ANO2: variants seen among roughly 807,000 people sequenced by gnomAD.
ANO2 encodes anoctamin 2.
ANO2 carries 101 observed loss-of-function variants against 124.2 expected under a neutral mutation model. The observed-to-expected ratio is 0.81, with a 90% confidence interval of 0.69 to 0.96. The LOEUF (loss-of-function observed/expected upper bound fraction) is 0.96, where lower values mean the gene tolerates loss of function less well. Ranked by LOEUF, ANO2 falls within the 40% of genes least tolerant of loss-of-function variation. The pLI, the probability that ANO2 is intolerant of heterozygous loss-of-function variation, is 0.00. For missense variants in ANO2, 1,293 were observed against 1,274.5 expected (o/e 1.01, Z -0.22); for synonymous variants, 486 against 482.5 (o/e 1.01, Z -0.09).
chr12:5,568,863 C>T (rs1215532806), intron 23 of ANO2, among the ~76,000 whole-genome samples: 1 of 152,226 alleles, frequency 6.6e-6, no homozygotes, highest in African/African-American at 2.4e-5. Context: ...GCCCAGCTTT[C>T]TCATCTATAA....
chr12:5,827,922 CT>C, intron 6 of ANO2, 102 bp from the exon 7 acceptor site: 8 of 1,328,110 alleles, frequency 6.0e-6, no homozygotes, highest in Non-Finnish European at 8.3e-6. Flanking sequence ...GGCGCCCGGG[CT>C]CATTTGGAGC....
At chr12:5,801,171 C>CAGGAGAGGGGTAGGGGCAA (rs1953026619) in intron 9 of ANO2, among the ~76,000 whole-genome samples, 1 of 152,138 alleles carries the variant, frequency 6.6e-6, no homozygotes, top group South Asian at 2.1e-4. Context: ...AGAGTGGCTC[C>CAGGAGAGGGGTAGGGGCAA]AGGAGAGGGG....
At chr12:5,916,760 C>T (rs190107118) in intron 3 of ANO2, among the ~76,000 whole-genome samples, 4 of 150,410 alleles carry the variant, frequency 2.7e-5, no homozygotes, top group South Asian at 2.1e-4. Context: ...TTTTCCAGAA[C>T]GACGATGCCT....
rs111978395 is a variant in ANO2, at chr12:5,897,987, T to C, written c.534+23053A>G. Among the ~76,000 whole-genome samples, 588 of 152,138 alleles carry C rather than the reference T, an allele frequency of 3.9e-3. 5 individuals are homozygous for C. Among genetic ancestry groups the C allele is most frequent in the African/African-American group, 0.013 (559 of 41,504 alleles). On this transcript the variant is annotated intron_variant, in intron 3 of 24. Transcript: ENST00000682330. ...GTGAGAAGAAGATATTTGCAAAATA[T>C]ATACTCAACAAAAGATGTACCAAGT...
Position 5,769,124 on chromosome 12 carries a change from C to T in ANO2, c.1056-18154G>A, listed in dbSNP as rs1413729254. The stretch of plus-strand genomic sequence containing the variant: ...GCAGAGGAAGAAAACACACCATTTG[C>T]AAGGAGAGGACCCTAGATTTACGAC... On this transcript the variant is annotated intron_variant, in intron 10 of 24. Transcript: ENST00000682330. The surrounding 1 kb of genome is among the most constrained non-coding windows in gnomAD (Gnocchi z 4.0). Among the ~76,000 whole-genome samples the T allele has an allele frequency of 6.6e-6, 1 of 152,142 alleles. No homozygotes were observed. Among genetic ancestry groups the T allele is most frequent in the African/African-American group, 2.4e-5 (1 of 41,434 alleles).
intron 16 of ANO2, 115 bp from the exon 17 acceptor site, chr12:5,615,412 G>A (rs934890200): frequency 1.2e-5 from 9 of 730,740 alleles, no homozygotes; most frequent in East Asian, 5.5e-5. Context: ...CAAAAATCAC[G>A]AGACCCATCT....
chr12:5,694,189 G>A (rs1044920395), intron 14 of ANO2, among the ~76,000 whole-genome samples: 6 of 150,534 alleles, frequency 4.0e-5, no homozygotes, highest in East Asian at 2.0e-4. Flanking sequence ...ACCAACCTGC[G>A]CCAGTCCCCA....
intron 20 of ANO2, among the ~76,000 whole-genome samples, chr12:5,594,848 A>G (rs1016746790): frequency 6.6e-6 from 1 of 152,032 alleles, no homozygotes; most frequent in African/African-American, 2.4e-5. Flanking sequence ...AAAACAAAAC[A>G]ACAACAACAA....
chr12:5,640,742 G>A (rs1946322454), intron 15 of ANO2, among the ~76,000 whole-genome samples: 1 of 152,214 alleles, frequency 6.6e-6, no homozygotes, highest in Non-Finnish European at 1.5e-5. Flanking sequence ...TGGAGAGGAT[G>A]CGGAGAAATA....
chr12:5,815,316 C>T (rs948977004), intron 7 of ANO2, among the ~76,000 whole-genome samples: 50 of 152,260 alleles, frequency 3.3e-4, no homozygotes, highest in African/African-American at 1.1e-3. Context: ...GGGAGGTTAC[C>T]AGAGTCAAGA....
chr12:5,566,875 G>A (rs780320392), intron 23 of ANO2, among the ~76,000 whole-genome samples: 4 of 152,130 alleles, frequency 2.6e-5, no homozygotes, highest in South Asian at 2.1e-4. Context: ...ACCAGTGACC[G>A]CAGTTTAGGG....
Position 5,750,836 on chromosome 12 carries a change from C to G in ANO2, c.1190G>C (p.Ser397Thr). ...GCATIEEDIP[S>T]REMCDQQNAF... ...GCCCTTTTCTTTAAAACTGATTTAC[C>G]TGGGAATATCTTCTTCAATTGTTGC... The change falls in exon 11 of 25, where the codon AGC becomes ACC. Residue 397 changes from serine to threonine, a missense_variant and splice_region_variant. Physicochemically the swap from Ser to Thr is moderately conservative, Grantham distance 58. Transcript: ENST00000682330. 6.2e-7 allele frequency: 1 copy of G among 1,608,192 alleles called. No homozygotes were observed. Among genetic ancestry groups the G allele is most frequent in the African/African-American group, 1.3e-5 (1 of 74,650 alleles).
intron 14 of ANO2, among the ~76,000 whole-genome samples, chr12:5,675,815 G>A (rs539132517): frequency 1.3e-5 from 2 of 152,306 alleles, no homozygotes; most frequent in East Asian, 3.9e-4. Context: ...CTCATCTGCT[G>A]TGGCCATTTG....
chr12:5,613,070 G>C, intron 17 of ANO2, 112 bp from the exon 18 acceptor site: 1 of 1,021,760 alleles, frequency 9.8e-7, no homozygotes. Flanking sequence ...GAAAGCACTG[G>C]TCAGGGCGAG....
At chr12:5,828,035 TCCCCC>T (rs1954036265) in intron 6 of ANO2, among the ~76,000 whole-genome samples, 2 of 151,808 alleles carry the variant, frequency 1.3e-5, no homozygotes, top group African/African-American at 2.4e-5. Context: ...CGCGCACACA[TCCCCC>T]GCCCCTTCGC....
In ANO2 at chr12:5,733,891, T is replaced by C. The variant is rs183991829; in HGVS notation, c.1435-1261A>G. Among the ~76,000 whole-genome samples, 18 of 152,340 alleles carry C rather than the reference T, an allele frequency of 1.2e-4. No homozygotes were observed. The East Asian group carries it at 3.5e-3, about 29-fold the overall frequency. On this transcript the variant is annotated intron_variant, in intron 13 of 24. Coordinates refer to ENST00000682330, the MANE Select transcript of ANO2 (RefSeq NM_001364791.2). ...AGATCTTCATTACATATTTTTCTTT[T>C]ATTTTTTCCTCGCTGTTTTGCATGT...
chr12:5,943,749 A>G (rs561674546), intron 1 of ANO2, among the ~76,000 whole-genome samples: 2 of 152,344 alleles, frequency 1.3e-5, no homozygotes, highest in East Asian at 1.9e-4. Flanking sequence ...AATACCTGCT[A>G]TGCATGTGCT....
intron 14 of ANO2, among the ~76,000 whole-genome samples, chr12:5,661,083 AC>A (rs1264244694): frequency 6.6e-6 from 1 of 152,140 alleles, no homozygotes; most frequent in Non-Finnish European, 1.5e-5. Flanking sequence ...GTTAAGTGAC[AC>A]CCAGCTATGA....
At position 5,921,038 on chromosome 12, in the gene ANO2, A is replaced by C; in HGVS notation, c.534+2T>G. On this transcript the variant is annotated splice_donor_variant, in intron 3 of 24. Transcript: ENST00000682330. LOFTEE classifies it high-confidence loss of function. ...AAGTCCCTGGCCACCCGCCTGACTC[A>C]CCTCCAAGTCCTTCTCAAGCTCCAG... 1.2e-6 allele frequency: 2 copies of C among 1,600,710 alleles called. No homozygotes were observed. The highest frequency in any genetic ancestry group is 1.7e-6 in the Non-Finnish European group (2 of 1,169,540).
Sources: allele counts gnomAD v4.1 joint callset (sites outside exome capture counted in the v4.1 genomes callset), GRCh38; gene constraint gnomAD v4.1.1; non-coding constraint Gnocchi (gnomAD v3.1); transcripts MANE v1.5; gene names NCBI Gene and HGNC (gene_info 2026-07-23, HGNC 2026-07-21).